Variants in XPO7 observed in about 807,000 individuals in gnomAD.
XPO7 encodes exportin-7.
XPO7 carries 21 observed loss-of-function variants against 144.3 expected under a neutral mutation model. The ratio of observed to expected loss-of-function variants is 0.15; its 90% CI spans 0.10 to 0.21. XPO7 has a LOEUF of 0.21. XPO7 is among the 10% of genes least tolerant of loss of function. The pLI, the probability that XPO7 is intolerant of heterozygous loss-of-function variation, is 1.00. For synonymous variants in XPO7, 580 were observed against 499.6 expected (o/e 1.16, Z -2.15); for missense variants, 808 against 1,325.8 (o/e 0.61, Z 6.06).
In XPO7 at chr8:22,000,805, A is replaced by C. The variant is rs114560064; in HGVS notation, c.2782+1131A>C. Among the ~76,000 whole-genome samples, 1,167 of 152,300 alleles carry C rather than the reference A, an allele frequency of 7.7e-3. 15 individuals carry two copies. Among genetic ancestry groups the C allele is most frequent in the African/African-American group, 0.027 (1,120 of 41,560 alleles). ...AGAGAATAAAACACATTTTTATATTAGGCTGAGCAAAACATAAGTAGGAGG... is the reference window on the plus strand; with the variant it reads ...AGAGAATAAAACACATTTTTATATTCGGCTGAGCAAAACATAAGTAGGAGG... On this transcript the variant is annotated intron_variant, in intron 24 of 27. Coordinates refer to ENST00000252512, the MANE Select transcript of XPO7 (RefSeq NM_015024.5).
Position 21,999,677 on chromosome 8 carries a change from A to G in XPO7, c.2782+3A>G. 6.2e-7 allele frequency: 1 copy of G among 1,614,030 alleles called. No individual in the cohort carries two copies. ...TTCTGAAGGACTTACTGCACTTGGT[A>G]AGCACCTGAGGTGGGTGGGTGAGTT... On this transcript the variant is annotated splice_donor_region_variant and intron_variant, in intron 24 of 27. Coordinates refer to ENST00000252512, the MANE Select transcript of XPO7 (RefSeq NM_015024.5).
chr8:21,970,122 G>T (rs777959301), intron 3 of XPO7, 22 bp from the exon 4 acceptor site: 1 of 1,601,446 alleles, frequency 6.2e-7, no homozygotes, highest in South Asian at 1.1e-5. Flanking sequence ...GATTGGTTTT[G>T]TTTCTTGTTT....
chr8:21,966,665 A>G (rs1024555525), intron 1 of XPO7, among the ~76,000 whole-genome samples, 192 bp from the exon 2 acceptor site: 1 of 152,186 alleles, frequency 6.6e-6, no homozygotes, highest in Non-Finnish European at 1.5e-5. Flanking sequence ...GCATCTTACC[A>G]TTTTGTCTTC....
intron 1 of XPO7, among the ~76,000 whole-genome samples, chr8:21,947,603 CAG>C (rs376240172): frequency 1.2e-4 from 18 of 152,012 alleles, no homozygotes; most frequent in Non-Finnish European, 2.4e-4. Flanking sequence ...GCGAAAGAAA[CAG>C]AGCTCTTAGA....
At chr8:21,987,050 AG>A (rs1812601974) in intron 13 of XPO7, 90 bp from the exon 14 acceptor site, 2 of 1,560,696 alleles carry the variant, frequency 1.3e-6, no homozygotes, top group East Asian at 4.5e-5. Context: ...ACCCAAGTAC[AG>A]GCATATACGA....
chr8:21,985,076 C>CT (rs397793286), intron 12 of XPO7, among the ~76,000 whole-genome samples: 1 of 151,814 alleles, frequency 6.6e-6, no homozygotes, highest in Non-Finnish European at 1.5e-5. Context: ...GCTATGTTGC[C>CT]ACGTGGGCCT....
intron 20 of XPO7, 133 bp downstream of exon 20, chr8:21,994,584 C>T (rs1812878297): frequency 1.3e-6 from 1 of 761,746 alleles, no homozygotes; most frequent in African/African-American, 1.7e-5. Context: ...GCCAGAAGGC[C>T]TGCATGTGTC....
At chr8:21,939,685 C>G (rs1378609843) in intron 1 of XPO7, among the ~76,000 whole-genome samples, 1 of 152,132 alleles carries the variant, frequency 6.6e-6, no homozygotes, top group African/African-American at 2.4e-5. Context: ...AAAACAGTAT[C>G]TCCAAAATGG....
intron 1 of XPO7, among the ~76,000 whole-genome samples, chr8:21,952,772 C>T (rs1563319073): frequency 6.6e-6 from 1 of 152,132 alleles, no homozygotes; most frequent in Non-Finnish European, 1.5e-5. Context: ...CATTCTGTTG[C>T]CCTGTCAGGT....
chr8:21,981,820 G>C lies in XPO7; in HGVS notation c.1047G>C (p.Val349=), dbSNP rs1003736816. ...ATCAACTGGGAGAATTGGTAAAGGT[G>C]GAAAACTACCCTGAGGTCATCCGAT... ...SNYQLGELVK[V]ENYPEVIRLI... is the part of the protein sequence containing the mutation. Residue 349 remains valine (V), a synonymous_variant, in exon 10 of 28, where the codon GTG becomes GTC. Coordinates refer to ENST00000252512, the MANE Select transcript of XPO7 (RefSeq NM_015024.5). 8 of 1,613,888 alleles carry C rather than the reference G, an allele frequency of 5.0e-6. No individual in the cohort carries two copies. The Admixed American group carries it at 1.2e-4, about 24-fold the overall frequency.
intron 1 of XPO7, among the ~76,000 whole-genome samples, chr8:21,949,078 G>T (rs1037242611): frequency 6.6e-6 from 1 of 152,134 alleles, no homozygotes; most frequent in Non-Finnish European, 1.5e-5. Context: ...TTTTCTAAAG[G>T]TTTGTTAATC....
At chr8:21,966,338 T>C (rs772286395) in intron 1 of XPO7, 2 of 779,860 alleles carry the variant, frequency 2.6e-6, no homozygotes, top group South Asian at 2.7e-5. Flanking sequence ...CTTGAAGCTT[T>C]CTCTAGAGGT....
rs1813320051 is a variant in XPO7, at chr8:22,006,045, AT to A, written c.*958del. 6.6e-6 allele frequency: 1 copy of A among 152,306 alleles called. No homozygotes were observed. The highest frequency in any genetic ancestry group is 1.5e-5 in the Non-Finnish European group (1 of 68,078). 9.4% of individuals were successfully genotyped at this position (152,306 alleles called of 1,614,324 possible). On this transcript the variant is annotated 3_prime_UTR_variant, in exon 28 of 28. Transcript: ENST00000252512. ...CCAGAGGCCCTGCTGTGTGTGGCCA[AT>A]AAATTTTAGTCTTCCCCAGCCCTCG...
At chr8:21,988,610 A>T (rs1812657359) in intron 15 of XPO7, 1 of 188,168 alleles carries the variant, frequency 5.3e-6, no homozygotes, top group Non-Finnish European at 1.1e-5. Flanking sequence ...CCAGCCAAGA[A>T]TCCAGAAGCA....
At chr8:21,944,845 C>T (rs1242196607) in intron 1 of XPO7, among the ~76,000 whole-genome samples, 3 of 152,192 alleles carry the variant, frequency 2.0e-5, no homozygotes, top group Non-Finnish European at 4.4e-5. Context: ...ATCTGTTTAA[C>T]AAAGCACATC....
At chr8:21,997,551 C>T (rs1323444525) in intron 21 of XPO7, among the ~76,000 whole-genome samples, 1 of 152,136 alleles carries the variant, frequency 6.6e-6, no homozygotes, top group Non-Finnish European at 1.5e-5. Flanking sequence ...GGACTTGTGG[C>T]AGGAGCCTGG....
intron 1 of XPO7, among the ~76,000 whole-genome samples, chr8:21,925,285 G>A (rs748552913): frequency 2.6e-5 from 4 of 152,074 alleles, no homozygotes; most frequent in African/African-American, 9.7e-5. Flanking sequence ...TCACCCCTTC[G>A]CACATGTGTG....
At chr8:21,937,754 T>G (rs150438636) in intron 1 of XPO7, among the ~76,000 whole-genome samples, 26 of 152,332 alleles carry the variant, frequency 1.7e-4, no homozygotes, top group African/African-American at 5.1e-4. Context: ...TCTTGGTATC[T>G]TTGTTCCTCT....
intron 1 of XPO7, among the ~76,000 whole-genome samples, chr8:21,954,320 AT>A (rs2117296812): frequency 6.6e-6 from 1 of 152,264 alleles, no homozygotes; most frequent in Non-Finnish European, 1.5e-5. Context: ...TATCAAATTG[AT>A]CCTAAAAACA....
Sources: allele counts gnomAD v4.1 joint callset (sites outside exome capture counted in the v4.1 genomes callset), GRCh38; gene constraint gnomAD v4.1.1; transcripts MANE v1.5; gene names NCBI Gene and HGNC (gene_info 2026-07-23, HGNC 2026-07-21).